NKTR: variants seen among roughly 807,000 people sequenced by gnomAD.
The protein encoded by NKTR is natural killer cell triggering receptor.
NKTR carries 67 observed loss-of-function variants against 156.3 expected under a neutral mutation model. The ratio of observed to expected loss-of-function variants is 0.43; its 90% CI spans 0.35 to 0.53. The LOEUF is 0.53. NKTR is among the 20% of genes least tolerant of loss of function. The pLI, the probability that NKTR is intolerant of heterozygous loss-of-function variation, is 0.01. For synonymous variants in NKTR, 640 were observed against 596.6 expected (o/e 1.07, Z -1.06); for missense variants, 1,604 against 1,730.9 (o/e 0.93, Z 1.30).
intron 2 of NKTR, chr3:42,602,626 ATCTTTTT>A (rs1302678305): frequency 8.9e-6 from 1 of 112,910 alleles, no homozygotes; most frequent in Non-Finnish European, 1.7e-5. Flanking sequence ...GCCTTGATTG[ATCTTTTT>A]TTTTTTTTTT....
At chr3:42,609,029 A>G (rs1210051902) in intron 2 of NKTR, among the ~76,000 whole-genome samples, 1 of 152,020 alleles carries the variant, frequency 6.6e-6, no homozygotes, top group Non-Finnish European at 1.5e-5. Flanking sequence ...TCAGGAGGCT[A>G]AGGCAGGAGA....
intron 6 of NKTR, among the ~76,000 whole-genome samples, chr3:42,626,091 T>G (rs1290017143): frequency 6.6e-6 from 1 of 152,114 alleles, no homozygotes; most frequent in African/African-American, 2.4e-5. Context: ...GGGAAAGCAT[T>G]GCATGTTAAA....
In NKTR at chr3:42,639,738, C is replaced by T. The variant is rs1047817158; in HGVS notation, c.4034C>T (p.Thr1345Ile). ...TCAAGAAGTCGATCGAGAAGTTCCA[C>T]ATCATCTTATCGGTGAGCAATATTC... Reference protein sequence around the residue: ...SHSRSRSRSSTSSYRSRSYSR... With the variant: ...SHSRSRSRSSISSYRSRSYSR... Residue 1345 changes from threonine to isoleucine, a missense_variant, in exon 13 of 17, where the codon ACA becomes ATA. By Grantham distance (89) the Thr-to-Ile change is moderately conservative. Around this residue, in one of 6 missense-constraint regions of NKTR, gnomAD observed 193 missense variants for 220.2 expected, o/e 0.88. Transcript: ENST00000232978. 1 of 1,604,938 alleles carries T rather than the reference C, an allele frequency of 6.2e-7. No individual in the cohort carries two copies.
At chr3:42,634,520 T>G (rs1424759283) in intron 10 of NKTR, 93 bp from the exon 11 acceptor site, 4 of 640,952 alleles carry the variant, frequency 6.2e-6, no homozygotes, top group Non-Finnish European at 1.0e-5. Flanking sequence ...GCATGTATCT[T>G]TGAATTAATA....
intron 2 of NKTR, among the ~76,000 whole-genome samples, chr3:42,608,014 A>ATTTTTTTTTTTTTTTTTTTTTTTTTTTT (rs1706401384): frequency 1.9e-5 from 1 of 53,098 alleles, no homozygotes; most frequent in Non-Finnish European, 4.4e-5. Context: ...TTTTTTTTTG[A>ATTTTTTTTTTTTTTTTTTTTTTTTTTTT]GTTTCCTTCT....
At chr3:42,623,476 G>A (rs915166683) in intron 6 of NKTR, among the ~76,000 whole-genome samples, 1 of 151,980 alleles carries the variant, frequency 6.6e-6, no homozygotes, top group African/African-American at 2.4e-5. Context: ...ATGCTGGCTA[G>A]AAAGATCAGT....
chr3:42,630,941 G>T, intron 7 of NKTR: 1 of 1,397,810 alleles, frequency 7.2e-7, no homozygotes, highest in Non-Finnish European at 9.2e-7. Flanking sequence ...ACCCTAAAAT[G>T]GTTAAGAACC....
In NKTR at chr3:42,638,724, C is replaced by T; in HGVS notation, c.3020C>T (p.Ala1007Val). 1 of 1,613,916 alleles carries T rather than the reference C, an allele frequency of 6.2e-7. No individual in the cohort carries two copies. Residue 1007 changes from alanine (A) to valine (V), a missense_variant, in exon 13 of 17, where the codon GCT (alanine) becomes GTT (valine). Physicochemically the swap from Ala to Val is moderately conservative, Grantham distance 64. Around this residue, in one of 6 missense-constraint regions of NKTR, gnomAD observed 1,255 missense variants for 1,243.7 expected, o/e 1.01. Transcript: ENST00000232978. Reference protein sequence around the residue: ...LKGKKDKKHKAPKRKQAFHWQ... With the variant: ...LKGKKDKKHKVPKRKQAFHWQ... ...GGGAAAAAAGACAAAAAGCATAAGG[C>T]TCCAAAACGAAAGCAAGCATTTCAC...
intron 2 of NKTR, among the ~76,000 whole-genome samples, chr3:42,615,587 C>T (rs1402835889): frequency 6.6e-6 from 1 of 151,820 alleles, no homozygotes; most frequent in Non-Finnish European, 1.5e-5. Context: ...TTGAAAAAAA[C>T]AAAACAAAAA....
Position 42,619,268 on chromosome 3 carries a change from T to C in NKTR, c.241+141T>C. On this transcript the variant is annotated intron_variant, in intron 4 of 16. Coordinates refer to ENST00000232978, the MANE Select transcript of NKTR (RefSeq NM_005385.4). ...TGAATACTTGTTGGATGAGTGAATA[T>C]TATAGGTCCAGAATGTATGAAAAAG... is the stretch of plus-strand genomic sequence containing the variant. 2.0e-6 allele frequency: 3 copies of C among 1,466,452 alleles called. No individual in the cohort carries two copies. The South Asian group carries it at 4.4e-5, about 21-fold the overall frequency. The allele number at this position is 1,466,452 out of a possible 1,614,324, so 90.8% of individuals were successfully genotyped here.
chr3:42,647,972 T>C lies in NKTR; in HGVS notation c.*1997T>C, dbSNP rs1046715501. On this transcript the variant is annotated 3_prime_UTR_variant, in exon 17 of 17. Transcript: ENST00000232978. The stretch of plus-strand genomic sequence containing the variant: ...GGACAACATTCCTTCATGGAGGCTC[T>C]GGGGAAGAATCTGCTTCTAAGTTCA... 2.0e-5 allele frequency: 3 copies of C among 152,206 alleles called. No individual in the cohort carries two copies. The highest frequency in any genetic ancestry group is 4.4e-5 in the Non-Finnish European group (3 of 68,048). The allele number at this position is 152,206 out of a possible 1,614,324, so 9.4% of individuals were successfully genotyped here.
Position 42,648,049 on chromosome 3 carries a change from C to T in NKTR, c.*2074C>T, listed in dbSNP as rs1710464848. 1 of 152,146 alleles carries T rather than the reference C, an allele frequency of 6.6e-6. No individual in the cohort carries two copies. The highest frequency in any genetic ancestry group is 1.5e-5 in the Non-Finnish European group (1 of 68,028). The allele number at this position is 152,146 out of a possible 1,614,324, so 9.4% of individuals were successfully genotyped here. On this transcript the variant is annotated 3_prime_UTR_variant, in exon 17 of 17. Transcript: ENST00000232978. ...TTTGCTGGCTCTCAGCTGGAGGCCC[C>T]TCTCTCACCTCAAGGCTGCCTGCAT...
intron 6 of NKTR, among the ~76,000 whole-genome samples, chr3:42,626,404 G>A (rs945866044): frequency 1.3e-5 from 2 of 151,810 alleles, no homozygotes; most frequent in Non-Finnish European, 2.9e-5. Context: ...GTCAGTGTGT[G>A]TTCTCCAAAA....
chr3:42,609,624 A>G (rs983831329), intron 2 of NKTR, among the ~76,000 whole-genome samples: 1 of 152,236 alleles, frequency 6.6e-6, no homozygotes, highest in Non-Finnish European at 1.5e-5. Context: ...GGTTGCAATT[A>G]AGTTATTATA....
intron 12 of NKTR, 48 bp downstream of exon 12, chr3:42,635,414 A>G (rs368979796): frequency 1.4e-6 from 2 of 1,432,758 alleles, no homozygotes; most frequent in Non-Finnish European, 1.9e-6. Flanking sequence ...TATATTTTAA[A>G]TGTTAAAGGG....
chr3:42,630,312 A>G (rs915070352), intron 6 of NKTR: 1 of 1,298,486 alleles, frequency 7.7e-7, no homozygotes, highest in Non-Finnish European at 9.8e-7. Context: ...GCATACATAT[A>G]GTCTAATAGA....
At position 42,638,782 on chromosome 3, in the gene NKTR, G is replaced by A; in HGVS notation, c.3078G>A (p.Glu1026=). Reference sequence around the variant, plus strand: ...CTCCACTAGAATTTGGTGAAGAGGAGGAGGAGGAGATTGATGACAAGCAAG... The same window carrying A: ...CTCCACTAGAATTTGGTGAAGAGGAAGAGGAGGAGATTGATGACAAGCAAG... ...WQPPLEFGEE[E]EEEIDDKQVT... Residue 1026 remains glutamate (E), a synonymous_variant, in exon 13 of 17, where the codon GAG becomes GAA. Coordinates refer to ENST00000232978, the MANE Select transcript of NKTR (RefSeq NM_005385.4). 1 of 1,613,390 alleles carries A rather than the reference G, an allele frequency of 6.2e-7. No homozygotes were observed. Among genetic ancestry groups the A allele is most frequent in the Non-Finnish European group, 8.5e-7 (1 of 1,179,874 alleles).
intron 7 of NKTR, chr3:42,630,846 C>A (rs1422940768): frequency 4.5e-6 from 6 of 1,330,278 alleles, no homozygotes; most frequent in South Asian, 2.3e-5. Context: ...CAAAATGGGT[C>A]GGATAGTAAG....
chr3:42,616,248 T>C (rs1386619666), intron 2 of NKTR, among the ~76,000 whole-genome samples: 1 of 152,156 alleles, frequency 6.6e-6, no homozygotes, highest in Non-Finnish European at 1.5e-5. Flanking sequence ...TTTGAATAAA[T>C]AAAAAGGTTT....
Sources: gnomAD v4.1 joint callset for allele counts (sites outside exome capture counted in the v4.1 genomes callset) on GRCh38, gnomAD v4.1.1 for gene constraint, gnomAD v4.1.1 regional missense constraint, MANE v1.5 for transcripts, NCBI Gene and HGNC (gene_info 2026-07-23, HGNC 2026-07-21) for gene names.